The following POLDIP2 variants were observed in gnomAD, a reference collection of about 807,000 sequenced individuals.
POLDIP2 encodes the protein polymerase delta-interacting protein 2.
A neutral mutation model predicts 52.9 loss-of-function variants in POLDIP2; 32 were observed. That is an observed-to-expected ratio of 0.61 (90% CI 0.46 to 0.81). The LOEUF (loss-of-function observed/expected upper bound fraction) is 0.81. POLDIP2 is among the 40% of genes least tolerant of loss of function. The probability of loss-of-function intolerance (pLI) is 0.00; values close to 1 mark genes in which losing one functional copy is unlikely to be tolerated. For missense variants in POLDIP2, 371 were observed against 477.3 expected (o/e 0.78, Z 2.07); for synonymous variants, 183 against 183.0 (o/e 1.00, Z 0.00).
At chr17:28,349,236 G>A in intron 9 of POLDIP2, 74 bp from the exon 10 acceptor site, 8 of 1,050,396 alleles carry the variant, frequency 7.6e-6, no homozygotes, top group Non-Finnish European at 1.1e-5. Context: ...GTTACATGCT[G>A]ACTGCCAGTT....
In POLDIP2 at chr17:28,356,332, T is replaced by G. The variant is rs1908027011; in HGVS notation, c.162-456A>C. On this transcript the variant is annotated intron_variant, in intron 1 of 10. Coordinates refer to ENST00000540200, the MANE Select transcript of POLDIP2 (RefSeq NM_015584.5). ...TTTACATTTCAGTTGTGTCCATGTC[T>G]TATCTTTATTAAATACTGTAAATTC... Among the ~76,000 whole-genome samples, 13 of 152,262 alleles carry G rather than the reference T, an allele frequency of 8.5e-5. No homozygotes were observed. In the South Asian group the frequency reaches 2.7e-3, roughly 32 times the overall value.
At chr17:28,355,692 G>A (rs1379679823) in intron 2 of POLDIP2, 103 bp downstream of exon 2, 8 of 558,314 alleles carry the variant, frequency 1.4e-5, no homozygotes, top group Non-Finnish European at 2.5e-5. Context: ...CATCAAGGTG[G>A]AATGAATGGA....
chr17:28,347,685 T>TA lies in POLDIP2; in HGVS notation c.*431dup, dbSNP rs1438087829. 1 of 160,530 alleles carries TA rather than the reference T, an allele frequency of 6.2e-6. No homozygotes were observed. The highest frequency in any genetic ancestry group is 1.4e-5 in the Non-Finnish European group (1 of 73,272). 9.9% of individuals were successfully genotyped at this position (160,530 alleles called of 1,614,324 possible). Reference sequence around the variant, plus strand: ...CTGAGAGGGAAACAGGCACATGCCCTACCAGGGGGGCAGCTCCCTGGAAGG... The same window carrying TA: ...CTGAGAGGGAAACAGGCACATGCCCTAACCAGGGGGGCAGCTCCCTGGAAGG... On this transcript the variant is annotated 3_prime_UTR_variant, in exon 11 of 11. Transcript: ENST00000540200.
intron 9 of POLDIP2, 121 bp from the exon 10 acceptor site, chr17:28,349,283 C>T (rs1907705761): frequency 1.1e-5 from 7 of 648,428 alleles, no homozygotes; most frequent in Non-Finnish European, 1.7e-5. Flanking sequence ...GCCACCACCA[C>T]AGCAGGCACT....
intron 6 of POLDIP2, 108 bp from the exon 7 acceptor site, chr17:28,351,908 C>G: frequency 9.8e-7 from 1 of 1,019,850 alleles, no homozygotes; most frequent in South Asian, 1.4e-5. Flanking sequence ...AAAACCCTCC[C>G]TAGTGGTGGC....
rs781631764 is a variant in POLDIP2, at chr17:28,353,696, A to G, written c.437T>C (p.Ile146Thr). The change falls in exon 4 of 11, where the codon ATA (isoleucine) becomes ACA (threonine). Residue 146 changes from isoleucine (I) to threonine (T), a missense_variant and splice_region_variant. Ile to Thr is a moderately conservative substitution (Grantham distance 89). Coordinates refer to ENST00000540200, the MANE Select transcript of POLDIP2 (RefSeq NM_015584.5). The stretch of plus-strand genomic sequence containing the variant: ...AGCCCAGCCATCTTGCTTACTTACT[A>G]TATGTGGGCAGTCACGAGCATCAAT... ...VLIDARDCPH[I>T]SQRSQTEAVT... 18 of 1,605,714 alleles carry G rather than the reference A, an allele frequency of 1.1e-5. No individual in the cohort carries two copies. The highest frequency in any genetic ancestry group is 1.5e-5 in the Non-Finnish European group (18 of 1,173,162).
rs139356949 is a variant in POLDIP2 at position 28,347,765 on chromosome 17, T to C, written c.*352A>G. 41 of 194,104 alleles carry C rather than the reference T, an allele frequency of 2.1e-4. No homozygotes were observed. The East Asian group carries it at 4.2e-3, about 20-fold the overall frequency. 12.0% of individuals were successfully genotyped at this position (194,104 alleles called of 1,614,324 possible). ...CTGGGTCAGAAGGGGAGCCTGAGACTCTGGGAGCAGAAATGGCAAGGGTGG... is the reference window on the plus strand; with the variant it reads ...CTGGGTCAGAAGGGGAGCCTGAGACCCTGGGAGCAGAAATGGCAAGGGTGG... On this transcript the variant is annotated 3_prime_UTR_variant, in exon 11 of 11. Coordinates refer to ENST00000540200, the MANE Select transcript of POLDIP2 (RefSeq NM_015584.5).
intron 4 of POLDIP2, 148 bp downstream of exon 4, chr17:28,353,545 CAG>C (rs1337575358): frequency 6.8e-5 from 20 of 294,042 alleles, no homozygotes; most frequent in African/African-American, 3.5e-4. Context: ...AGACGTGAAT[CAG>C]GGCTTTGTTG....
intron 7 of POLDIP2, 82 bp from the exon 8 acceptor site, chr17:28,350,874 T>C (rs1204149865): frequency 2.6e-6 from 3 of 1,174,208 alleles, no homozygotes; most frequent in Non-Finnish European, 2.5e-6. Flanking sequence ...GTGCAGTTGA[T>C]GTATTCCAGG....
chr17:28,350,695 G>T lies in POLDIP2; in HGVS notation c.786+71C>A, dbSNP rs782073619. ...AGGTTCCGCTCTCGTCAGAAGGTGG[G>T]CTCCCCCACCTCCACCCTGACCCCC... On this transcript the variant is annotated intron_variant, in intron 8 of 10. Transcript: ENST00000540200. 3.2e-6 allele frequency: 5 copies of T among 1,556,620 alleles called. No individual in the cohort carries two copies. The Admixed American group carries it at 5.3e-5, about 17-fold the overall frequency.
chr17:28,348,199 G>T lies in POLDIP2; in HGVS notation c.1025C>A (p.Ser342Tyr). The T allele has an allele frequency of 6.2e-7, 1 of 1,613,864 alleles. No individual in the cohort carries two copies. The highest frequency in any genetic ancestry group is 8.5e-7 in the Non-Finnish European group (1 of 1,179,774). The change falls in exon 11 of 11, where the codon TCC (serine) becomes TAC (tyrosine). Residue 342 changes from serine (S) to tyrosine (Y), a missense_variant. Ser to Tyr is a moderately radical substitution (Grantham distance 144, BLOSUM62 -2). Transcript: ENST00000540200. ...GGGAGGAATCCGAACATCAAAGTGG[G>T]AGCCATCAGGTCTTTCAAAGCGGAA... ...GTFRFERPDG[S>Y]HFDVRIPPFS...
Position 28,348,123 on chromosome 17 carries a change from G to A in POLDIP2, c.1101C>T (p.His367=). Residue 367 remains histidine (H), a synonymous_variant, in exon 11 of 11, where the codon CAC becomes CAT. Coordinates refer to ENST00000540200, the MANE Select transcript of POLDIP2 (RefSeq NM_015584.5). ...KDEKTPPSGL[H]W ...ACTTGGGGCCTCAGCTGGCCTACCA[G>A]TGAAGGCCTGAGGGTGGTGTCTTCT... 6.2e-7 allele frequency: 1 copy of A among 1,600,220 alleles called. No individual in the cohort carries two copies. The highest frequency in any genetic ancestry group is 8.6e-7 in the Non-Finnish European group (1 of 1,167,266).
chr17:28,349,097 GGA>G lies in POLDIP2; in HGVS notation c.976_977del (p.Ser326GlnfsTer11). The G allele has an allele frequency of 2.5e-6, 4 of 1,612,522 alleles. No homozygotes were observed. Among genetic ancestry groups the G allele is most frequent in the Non-Finnish European group, 1.7e-6 (2 of 1,178,876 alleles). On this transcript the variant is annotated frameshift_variant, in exon 10 of 11. Coordinates refer to ENST00000540200, the MANE Select transcript of POLDIP2 (RefSeq NM_015584.5). LOFTEE classifies it high-confidence loss of function. The part of the protein sequence containing the change: ...QYSSHVSLQA[S>X]SGHMWGTFRF... The stretch of plus-strand genomic sequence containing the variant: ...CACTCACTCACCACATGTGCCCACT[GGA>G]AGCCTGCAGCGAGACGTGGCTGCTA...
rs201342440 is a variant in POLDIP2 at position 28,349,115 on chromosome 17, G to A, written c.960C>T (p.His320=). The change falls in exon 10 of 11, where the codon CAC becomes CAT. Residue 320 remains histidine (H), a synonymous_variant. Transcript: ENST00000540200. ...GCCCACTGGAAGCCTGCAGCGAGACGTGGCTGCTATACTGGAACGCAGGCT... is the reference window on the plus strand; with the variant it reads ...GCCCACTGGAAGCCTGCAGCGAGACATGGCTGCTATACTGGAACGCAGGCT... The part of the protein sequence containing the change: ...KEQPAFQYSS[H]VSLQASSGHM... 253 of 1,613,256 alleles carry A rather than the reference G, an allele frequency of 1.6e-4. No homozygotes were observed. Among genetic ancestry groups the A allele is most frequent in the Admixed American group, 3.8e-4 (23 of 59,930 alleles).
Position 28,353,630 on chromosome 17 carries a change from T to TC in POLDIP2, c.438+64dup, listed in dbSNP as rs1431061724. 3.5e-6 allele frequency: 4 copies of TC among 1,133,332 alleles called. No individual in the cohort carries two copies. In the Admixed American group the frequency reaches 6.8e-5, roughly 19 times the overall value. The allele number at this position is 1,133,332 out of a possible 1,614,324, so 70.2% of individuals were successfully genotyped here. ...TGTTTGACCCCCTTCCCTCCCTTTG[T>TC]CCCCATTGGGATGCAGGACTTTCCA... On this transcript the variant is annotated intron_variant, in intron 4 of 10. Transcript: ENST00000540200.
chr17:28,357,490 A>G lies in POLDIP2; in HGVS notation c.-42T>C, dbSNP rs1241874488. The G allele has an allele frequency of 2.8e-6, 4 of 1,432,850 alleles. No individual in the cohort carries two copies. Among genetic ancestry groups the G allele is most frequent in the East Asian group, 5.3e-5 (2 of 38,020 alleles). 88.8% of individuals were successfully genotyped at this position (1,432,850 alleles called of 1,614,324 possible). A position where few individuals can be genotyped will look rare whatever the true frequency, so the allele number is the denominator to read the frequency against. On this transcript the variant is annotated 5_prime_UTR_variant, in exon 1 of 11. Coordinates refer to ENST00000540200, the MANE Select transcript of POLDIP2 (RefSeq NM_015584.5). ...CGCCCGGCTGCTGACACAGAGCCCG[A>G]CCCGCGGCCGGGCGGCGTTCCGCCC...
In POLDIP2 at chr17:28,349,109, C is replaced by T. The variant is rs13469; in HGVS notation, c.966G>A (p.Ser322=). ...ACATGTGCCCACTGGAAGCCTGCAG[C>T]GAGACGTGGCTGCTATACTGGAACG... ...QPAFQYSSHV[S]LQASSGHMWG... is the part of the protein sequence containing the mutation. The change falls in exon 10 of 11, where the codon TCG becomes TCA. Residue 322 remains serine, a synonymous_variant. Coordinates refer to ENST00000540200, the MANE Select transcript of POLDIP2 (RefSeq NM_015584.5). The T allele has an allele frequency of 0.52, 830,873 of 1,610,544 alleles. 217,656 individuals are homozygous for T. Among genetic ancestry groups the T allele is most frequent in the East Asian group, 0.74 (33,336 of 44,752 alleles).
intron 2 of POLDIP2, among the ~76,000 whole-genome samples, chr17:28,355,116 C>T (rs1485465649): frequency 2.6e-5 from 4 of 152,322 alleles, no homozygotes; most frequent in African/African-American, 7.2e-5. Context: ...AATTTTATTA[C>T]GGCAAAGCAT....
Position 28,349,094 on chromosome 17 carries a change from A to C in POLDIP2, c.981T>G (p.Ser327Arg). ...GCACACTCACTCACCACATGTGCCC[A>C]CTGGAAGCCTGCAGCGAGACGTGGC... is the stretch of plus-strand genomic sequence containing the variant. ...YSSHVSLQAS[S>R]GHMWGTFRFE... Residue 327 changes from serine to arginine, a missense_variant, in exon 10 of 11, where the codon AGT becomes AGG. Transcript: ENST00000540200. 6.2e-7 allele frequency: 1 copy of C among 1,612,388 alleles called. No individual in the cohort carries two copies. Among genetic ancestry groups the C allele is most frequent in the Non-Finnish European group, 8.5e-7 (1 of 1,178,748 alleles).
Sources: gnomAD v4.1 joint callset for allele counts (sites outside exome capture counted in the v4.1 genomes callset) on GRCh38, gnomAD v4.1.1 for gene constraint, MANE v1.5 for transcripts, NCBI Gene and HGNC (gene_info 2026-07-23, HGNC 2026-07-21) for gene names.